The following OR10J1 variants were observed in gnomAD, a reference collection of about 807,000 sequenced individuals.
OR10J1 encodes the protein olfactory receptor family 10 subfamily J member 1.
For missense variants in OR10J1, 474 were observed against 376.6 expected (o/e 1.26, Z -2.14); for synonymous variants, 202 against 143.8 (o/e 1.40, Z -2.89).
the OR10J1 span, among the ~76,000 whole-genome samples, chr1:159,399,570 C>CAA: frequency 4.8e-3 from 269 of 55,982 alleles, 3 homozygotes; most frequent in Middle Eastern, 0.019. Context: ...GATTCTGTCT[C>CAA]AAAAAAAAAA....
At chr1:159,420,988 G>T in the OR10J1 span, among the ~76,000 whole-genome samples, 85 of 152,072 alleles carry the variant, frequency 5.6e-4, no homozygotes, top group Non-Finnish European at 7.6e-4. Flanking sequence ...CATTAAATAG[G>T]TTTCTAAACC....
the OR10J1 span, among the ~76,000 whole-genome samples, chr1:159,411,750 G>T: frequency 6.6e-6 from 1 of 152,072 alleles, no homozygotes; most frequent in African/African-American, 2.4e-5. Context: ...TGTGATGTTA[G>T]CTGGTTATTT....
At chr1:159,409,412 A>C in the OR10J1 span, among the ~76,000 whole-genome samples, 1 of 151,522 alleles carries the variant, frequency 6.6e-6, no homozygotes, top group South Asian at 2.1e-4. Flanking sequence ...ATCAAATTCC[A>C]CTTTCTTTTT....
chr1:159,432,480 A>G, the OR10J1 span: 3 of 420,092 alleles, frequency 7.1e-6, no homozygotes, highest in Non-Finnish European at 4.2e-6. Flanking sequence ...TCAACAAACC[A>G]TCTCCATCCC....
At chr1:159,424,195 G>A in the OR10J1 span, among the ~76,000 whole-genome samples, 2 of 147,662 alleles carry the variant, frequency 1.4e-5, no homozygotes, top group East Asian at 2.1e-4. Flanking sequence ...TAGCATGGGT[G>A]ACAGAGCAAG....
the OR10J1 span, among the ~76,000 whole-genome samples, chr1:159,421,465 A>C: frequency 3.9e-5 from 6 of 152,202 alleles, no homozygotes; most frequent in Admixed American, 3.9e-4. Flanking sequence ...TATTAATTTC[A>C]TGTTTCCTGT....
the OR10J1 span, among the ~76,000 whole-genome samples, chr1:159,425,311 C>A: frequency 6.6e-6 from 1 of 152,018 alleles, no homozygotes; most frequent in East Asian, 1.9e-4. Context: ...TGAGGAAAAG[C>A]TCCAGCACTA....
At position 159,439,832 on chromosome 1, in the gene OR10J1, T is replaced by C; in HGVS notation, c.41T>C (p.Phe14Ser). 1 of 1,614,194 alleles carries C rather than the reference T, an allele frequency of 6.2e-7. No individual in the cohort carries two copies. Among genetic ancestry groups the C allele is most frequent in the Non-Finnish European group, 8.5e-7 (1 of 1,180,024 alleles). Residue 14 changes from phenylalanine to serine, a missense_variant, in exon 1 of 1, where the codon TTC (phenylalanine) becomes TCC (serine). Phe to Ser is a radical substitution (Grantham distance 155). Transcript: ENST00000423932. ...TTTACTCTCATCACTGACTTTGTTT[T>C]CCAAGGTTTCTCTAGCTTCCATGAG... is the stretch of plus-strand genomic sequence containing the variant. ...ENFTLITDFV[F>S]QGFSSFHEQQ...
chr1:159,429,498 C>T, the OR10J1 span, among the ~76,000 whole-genome samples: 6 of 152,194 alleles, frequency 3.9e-5, no homozygotes, highest in Non-Finnish European at 5.9e-5. Context: ...TCTTCAACCA[C>T]GGAGCAGTCC....
chr1:159,426,187 T>A, the OR10J1 span, among the ~76,000 whole-genome samples: 8 of 151,874 alleles, frequency 5.3e-5, no homozygotes, highest in Non-Finnish European at 8.9e-5. Flanking sequence ...TAAAATATGG[T>A]GTAAGTAATA....
the OR10J1 span, among the ~76,000 whole-genome samples, chr1:159,403,763 GAT>G: frequency 2.6e-5 from 4 of 152,084 alleles, no homozygotes; most frequent in African/African-American, 9.7e-5. Flanking sequence ...CCAACTGCTG[GAT>G]ATATACACAA....
chr1:159,422,037 G>A, the OR10J1 span, among the ~76,000 whole-genome samples: 4 of 152,136 alleles, frequency 2.6e-5, no homozygotes, highest in Non-Finnish European at 4.4e-5. Context: ...GCGCTGTACA[G>A]GCCTGCAGGT....
chr1:159,436,583 G>A (rs529119721), upstream of OR10J1, among the ~76,000 whole-genome samples: 10 of 151,504 alleles, frequency 6.6e-5, no homozygotes, highest in South Asian at 2.1e-3. Context: ...CCAAATCCCA[G>A]TGCAGGGTAT....
At chr1:159,415,414 G>A in the OR10J1 span, among the ~76,000 whole-genome samples, 48 of 152,114 alleles carry the variant, frequency 3.2e-4, no homozygotes, top group South Asian at 6.2e-4. Flanking sequence ...TCTCTATTCT[G>A]TTTCACTGGC....
the OR10J1 span, chr1:159,405,524 G>T: frequency 3.2e-6 from 1 of 307,964 alleles, no homozygotes. Flanking sequence ...GAGTTCAGCA[G>T]GGGAGTGATA....
At chr1:159,429,375 G>A in the OR10J1 span, among the ~76,000 whole-genome samples, 3 of 152,226 alleles carry the variant, frequency 2.0e-5, no homozygotes, top group Non-Finnish European at 4.4e-5. Context: ...AGGTCCTTCA[G>A]CAGTTAGGAC....
At chr1:159,436,022 T>C (rs1374700849), upstream of OR10J1, among the ~76,000 whole-genome samples, 1 of 152,192 alleles carries the variant, frequency 6.6e-6, no homozygotes, top group African/African-American at 2.4e-5. Flanking sequence ...GAGACAAAAA[T>C]CTGTGAAAGT....
the OR10J1 span, among the ~76,000 whole-genome samples, chr1:159,413,983 A>G: frequency 3.3e-5 from 5 of 151,984 alleles, no homozygotes; most frequent in Non-Finnish European, 7.4e-5. Flanking sequence ...AATATTTTAC[A>G]TATTTATGGG....
chr1:159,412,229 G>C, the OR10J1 span, among the ~76,000 whole-genome samples: 1 of 151,786 alleles, frequency 6.6e-6, no homozygotes, highest in Non-Finnish European at 1.5e-5. Context: ...TCATGGGTAG[G>C]AAGAATCAAT....
Sources: gnomAD v4.1 joint callset for allele counts (sites outside exome capture counted in the v4.1 genomes callset) on GRCh38, gnomAD v4.1.1 for gene constraint, MANE v1.5 for transcripts, NCBI Gene and HGNC (gene_info 2026-07-23, HGNC 2026-07-21) for gene names.